CRYBG3: variants seen among roughly 807,000 people sequenced by gnomAD.
The protein encoded by CRYBG3 is very large A-kinase anchor protein.
Under a neutral mutation model 244.2 loss-of-function variants are expected in CRYBG3, and 127 were observed. The observed-to-expected ratio is 0.52, with a 90% confidence interval of 0.45 to 0.60. The LOEUF is 0.60. CRYBG3 is among the 20% of genes least tolerant of loss of function. The pLI is 0.00. For synonymous variants in CRYBG3, 1,132 were observed against 1,195.8 expected, an observed-to-expected ratio of 0.95 and a Z score of 1.10; for missense variants, 3,325 against 3,442.5, an observed-to-expected ratio of 0.97 and a Z score of 0.85.
intron 2 of CRYBG3, among the ~76,000 whole-genome samples, chr3:97,857,994 G>A (rs2039090521): frequency 1.3e-5 from 2 of 151,758 alleles, no homozygotes; most frequent in Non-Finnish European, 2.9e-5. Flanking sequence ...TTATACTTTT[G>A]TAGTTTTATG....
intron 8 of CRYBG3, 120 bp downstream of exon 8, chr3:97,886,887 G>T: frequency 1.3e-6 from 1 of 776,934 alleles, no homozygotes; most frequent in Non-Finnish European, 2.0e-6. Context: ...ACCCAAGAAA[G>T]ACTGCAGGGG....
At chr3:97,881,577 G>A (rs537987778) in intron 7 of CRYBG3, among the ~76,000 whole-genome samples, 17 of 151,818 alleles carry the variant, frequency 1.1e-4, no homozygotes, top group Non-Finnish European at 2.2e-4. Context: ...TTGGCCGGGC[G>A]TGGTGGTGCA....
At chr3:97,939,400 C>T (rs1187146444) in intron 19 of CRYBG3, among the ~76,000 whole-genome samples, 1 of 151,106 alleles carries the variant, frequency 6.6e-6, no homozygotes, top group East Asian at 1.9e-4. Flanking sequence ...TGTGGTAAGG[C>T]TGTTGGTACT....
chr3:97,899,021 G>GGAGT lies in CRYBG3; in HGVS notation c.7842_7844+1dup. On this transcript the variant is annotated frameshift_variant, in exon 13 of 22. Coordinates refer to ENST00000389622, the MANE Select transcript of CRYBG3 (RefSeq NM_153605.4). LOFTEE classifies it high-confidence loss of function. ...AACAAGATCCATTCATGTTAAAAGTGGAGTGTAAGTTGCCTCCTCTAAGAA... is the reference window on the plus strand; with the variant it reads ...AACAAGATCCATTCATGTTAAAAGTGGAGTGAGTGTAAGTTGCCTCCTCTAAGAA... 1 of 1,610,446 alleles carries GGAGT rather than the reference G, an allele frequency of 6.2e-7. No individual in the cohort carries two copies.
intron 2 of CRYBG3, among the ~76,000 whole-genome samples, chr3:97,861,350 C>A (rs1157961131): frequency 6.6e-6 from 1 of 152,144 alleles, no homozygotes; most frequent in East Asian, 1.9e-4. Context: ...GTACATATCT[C>A]TTGTAAGCCC....
rs2039357512 is a variant in CRYBG3 at position 97,875,289 on chromosome 3, A to C, written c.4095A>C (p.Val1365=). The change falls in exon 4 of 22, where the codon GTA becomes GTC. Residue 1365 remains valine, a synonymous_variant. Coordinates refer to ENST00000389622, the MANE Select transcript of CRYBG3 (RefSeq NM_153605.4). ...VREFLVSEQP[V]NQSTQISENK... The stretch of plus-strand genomic sequence containing the variant: ...AGTTCTTGGTTTCAGAACAGCCAGT[A>C]AATCAAAGCACACAAATTAGTGAAA... 2.1e-6 allele frequency: 3 copies of C among 1,459,170 alleles called. No individual in the cohort carries two copies. The highest frequency in any genetic ancestry group is 2.9e-5 in the African/African-American group (2 of 69,948). 90.4% of individuals were successfully genotyped at this position (1,459,170 alleles called of 1,614,324 possible). A position where few individuals can be genotyped will look rare whatever the true frequency, so the allele number is the denominator to read the frequency against.
At chr3:97,892,466 T>C (rs995903203) in intron 10 of CRYBG3, among the ~76,000 whole-genome samples, 4 of 152,172 alleles carry the variant, frequency 2.6e-5, no homozygotes, top group Non-Finnish European at 5.9e-5. Flanking sequence ...CTTGGGATAT[T>C]GTCACCATAA....
intron 12 of CRYBG3, 120 bp downstream of exon 12, chr3:97,896,205 C>T (rs567730347): frequency 4.6e-6 from 4 of 874,812 alleles, no homozygotes; most frequent in African/African-American, 3.4e-5. Context: ...AGAGTATTAA[C>T]CTCAACTGCT....
intron 1 of CRYBG3, among the ~76,000 whole-genome samples, chr3:97,839,947 C>T (rs563620408): frequency 1.3e-5 from 2 of 151,878 alleles, no homozygotes; most frequent in East Asian, 1.9e-4. Flanking sequence ...TGGTGCCAGG[C>T]GGGGTGCCAG....
intron 15 of CRYBG3, among the ~76,000 whole-genome samples, chr3:97,904,937 G>A (rs1407938241): frequency 2.2e-5 from 3 of 134,126 alleles, no homozygotes; most frequent in Non-Finnish European, 4.5e-5. Context: ...CCCTTCCTGT[G>A]TCCATGTGAT....
At chr3:97,826,755 A>C (rs537606219) in intron 1 of CRYBG3, among the ~76,000 whole-genome samples, 1 of 152,374 alleles carries the variant, frequency 6.6e-6, no homozygotes, top group South Asian at 2.1e-4. Context: ...GGATATAACC[A>C]TAAATGGATG....
In CRYBG3 at chr3:97,911,733, C is replaced by T. The variant is rs1356726276; in HGVS notation, c.8005-434C>T. On this transcript the variant is annotated intron_variant, in intron 15 of 21. Coordinates refer to ENST00000389622, the MANE Select transcript of CRYBG3 (RefSeq NM_153605.4). ...CAGGAAGAGCTAGGGAGAGAAGCAG[C>T]ATACCATGTAGCCTCATACTAATCT... Among the ~76,000 whole-genome samples the T allele has an allele frequency of 3.3e-5, 5 of 152,232 alleles. No individual in the cohort carries two copies. In the East Asian group the frequency reaches 9.6e-4, roughly 29 times the overall value.
intron 15 of CRYBG3, among the ~76,000 whole-genome samples, chr3:97,900,802 A>G (rs2039698357): frequency 6.6e-6 from 1 of 152,186 alleles, no homozygotes; most frequent in Non-Finnish European, 1.5e-5. Context: ...TTCATAGAAT[A>G]TTATATTTAT....
At chr3:97,852,644 T>G (rs1182501465) in intron 2 of CRYBG3, among the ~76,000 whole-genome samples, 3 of 152,206 alleles carry the variant, frequency 2.0e-5, no homozygotes, top group African/African-American at 7.2e-5. Context: ...AACATGGGTG[T>G]GCAGATATCT....
chr3:97,823,442 C>G (rs1201155389), intron 1 of CRYBG3, among the ~76,000 whole-genome samples: 1 of 152,304 alleles, frequency 6.6e-6, no homozygotes, highest in South Asian at 2.1e-4. Flanking sequence ...GTGTGTTCCT[C>G]GGTTTCCCCG....
In CRYBG3 at chr3:97,877,251, A is replaced by G. The variant is rs367943134; in HGVS notation, c.6057A>G (p.Arg2019=). ...EEDKYASAEA[R]QTQSVLFHDT... ...ACAAGTATGCTTCCGCAGAAGCAAG[A>G]CAAACACAGTCTGTCTTGTTTCATG... The change falls in exon 4 of 22, where the codon AGA becomes AGG. Residue 2019 remains arginine, a synonymous_variant. Transcript: ENST00000389622. 6.2e-7 allele frequency: 1 copy of G among 1,613,974 alleles called. No homozygotes were observed. Among genetic ancestry groups the G allele is most frequent in the Non-Finnish European group, 8.5e-7 (1 of 1,179,856 alleles).
At chr3:97,912,560 A>G (rs2039884608) in intron 16 of CRYBG3, among the ~76,000 whole-genome samples, 1 of 152,130 alleles carries the variant, frequency 6.6e-6, no homozygotes, top group South Asian at 2.1e-4. Context: ...TATATTGTAT[A>G]TTTACCGTCT....
intron 3 of CRYBG3, among the ~76,000 whole-genome samples, chr3:97,866,511 C>T (rs2039234242): frequency 6.6e-6 from 1 of 152,182 alleles, no homozygotes; most frequent in East Asian, 1.9e-4. Context: ...TGATCAGATC[C>T]ACTGAAGCAG....
In CRYBG3 at chr3:97,944,056, T is replaced by G. The variant is rs2040294544; in HGVS notation, c.*742T>G. 1 of 151,692 alleles carries G rather than the reference T, an allele frequency of 6.6e-6. No homozygotes were observed. The highest frequency in any genetic ancestry group is 1.5e-5 in the Non-Finnish European group (1 of 67,818). The allele number at this position is 151,692 out of a possible 1,614,324, so 9.4% of individuals were successfully genotyped here. A position where few individuals can be genotyped will look rare whatever the true frequency, so the allele number is the denominator to read the frequency against. ...TTTAGGTGACAAGACTCTATAACAGTGGTTACCTGTCTCCATGTTGACACT... is the reference window on the plus strand; with the variant it reads ...TTTAGGTGACAAGACTCTATAACAGGGGTTACCTGTCTCCATGTTGACACT... On this transcript the variant is annotated 3_prime_UTR_variant, in exon 22 of 22. Transcript: ENST00000389622.
Sources: gnomAD v4.1 joint callset for allele counts (sites outside exome capture counted in the v4.1 genomes callset) on GRCh38, gnomAD v4.1.1 for gene constraint, MANE v1.5 for transcripts, NCBI Gene and HGNC (gene_info 2026-07-23, HGNC 2026-07-21) for gene names.